Variants in NIPA1 observed in about 807,000 individuals in gnomAD.
NIPA1 encodes the protein NIPA magnesium transporter 1.
A neutral mutation model predicts 23.9 loss-of-function variants in NIPA1; 13 were observed. The observed-to-expected ratio is 0.54, with a 90% CI of 0.35 to 0.87. The LOEUF (loss-of-function observed/expected upper bound fraction) is 0.87, where lower values mean the gene tolerates loss of function less well. Ranked by LOEUF, NIPA1 falls within the 40% of genes least tolerant of loss-of-function variation. The pLI, the probability that NIPA1 is intolerant of heterozygous loss-of-function variation, is 0.01. For missense variants in NIPA1, 362 were observed against 429.7 expected (o/e 0.84, Z 1.39); for synonymous variants, 234 against 202.9 (o/e 1.15, Z -1.30).
intron 1 of NIPA1, among the ~76,000 whole-genome samples, chr15:22,794,926 C>T (rs1323356603): frequency 6.6e-6 from 1 of 152,182 alleles, no homozygotes; most frequent in Non-Finnish European, 1.5e-5. Context: ...CCTATTCACT[C>T]ATTTGCATTC....
At chr15:22,803,390 C>T (rs76280625) in intron 1 of NIPA1, among the ~76,000 whole-genome samples, 3,507 of 151,300 alleles carry the variant, frequency 0.023, 130 homozygotes, top group African/African-American at 0.081. Context: ...CACATATATA[C>T]GCATATATTA....
rs767606124 is a variant in NIPA1, at chr15:22,813,703, G to A, written c.317+1450G>A. 18 of 455,208 alleles carry A rather than the reference G, an allele frequency of 4.0e-5. 1 individual carries two copies. Among genetic ancestry groups the A allele is most frequent in the South Asian group, 2.5e-4 (16 of 64,316 alleles). The allele number at this position is 455,208 out of a possible 1,614,324, so 28.2% of individuals were successfully genotyped here. ...ATTGAAGTTTACACCTTAGAGTCAC[G>A]TAGGCATTAAGGTTCTGTGACCTAA... On this transcript the variant is annotated intron_variant, in intron 3 of 4. Coordinates refer to ENST00000337435, the MANE Select transcript of NIPA1 (RefSeq NM_144599.5).
At chr15:22,789,568 G>A (rs1894787067) in intron 1 of NIPA1, among the ~76,000 whole-genome samples, 1 of 152,146 alleles carries the variant, frequency 6.6e-6, no homozygotes, top group South Asian at 2.1e-4. Context: ...GGAGAGAAAA[G>A]GAGAAGAAAA....
At chr15:22,794,015 G>C (rs1365581097) in intron 1 of NIPA1, among the ~76,000 whole-genome samples, 4 of 151,882 alleles carry the variant, frequency 2.6e-5, no homozygotes, top group Non-Finnish European at 5.9e-5. Flanking sequence ...CTTCAGCATT[G>C]TTCTTTTTGC....
In NIPA1 at chr15:22,786,847, G is replaced by T. The variant is rs1894716600; in HGVS notation, c.178+13G>T. On this transcript the variant is annotated intron_variant, in intron 1 of 4. Coordinates refer to ENST00000337435, the MANE Select transcript of NIPA1 (RefSeq NM_144599.5). ...GCCAAGCGGCGAGGTAGGGCGGGCG[G>T]CAGGCGGCAGGCGGCGGGCGGGTGG... The T allele has an allele frequency of 9.2e-7, 1 of 1,086,064 alleles. No homozygotes were observed. The highest frequency in any genetic ancestry group is 1.7e-5 in the African/African-American group (1 of 59,624). 67.3% of individuals were successfully genotyped at this position (1,086,064 alleles called of 1,614,324 possible).
chr15:22,794,717 A>G (rs775000397), intron 1 of NIPA1, among the ~76,000 whole-genome samples: 1 of 151,798 alleles, frequency 6.6e-6, no homozygotes, highest in Non-Finnish European at 1.5e-5. Flanking sequence ...ATTCTTTCTC[A>G]TTGCCTTTCC....
At chr15:22,817,125 T>C (rs1402420447) in intron 3 of NIPA1, among the ~76,000 whole-genome samples, 1 of 138,918 alleles carries the variant, frequency 7.2e-6, no homozygotes, top group Non-Finnish European at 1.5e-5. Context: ...AGGTAGAGGT[T>C]ACAGTGAGCC....
chr15:22,789,325 T>A (rs1490838406), intron 1 of NIPA1, among the ~76,000 whole-genome samples: 1 of 152,034 alleles, frequency 6.6e-6, no homozygotes, highest in Non-Finnish European at 1.5e-5. Context: ...AGTGAACTTG[T>A]GATTTTCATT....
chr15:22,807,373 G>A (rs1767468838), intron 1 of NIPA1, among the ~76,000 whole-genome samples: 1 of 152,160 alleles, frequency 6.6e-6, no homozygotes, highest in African/African-American at 2.4e-5. Context: ...TCCAGCTGCT[G>A]TAGCAGGAAT....
intron 1 of NIPA1, among the ~76,000 whole-genome samples, chr15:22,788,209 G>GA (rs1419647166): frequency 1.3e-5 from 2 of 152,010 alleles, no homozygotes; most frequent in African/African-American, 4.8e-5. Context: ...CGGAGTAGAA[G>GA]AACATCTTGC....
chr15:22,799,099 A>G (rs765596463), intron 1 of NIPA1, among the ~76,000 whole-genome samples: 8 of 152,158 alleles, frequency 5.3e-5, no homozygotes, highest in Non-Finnish European at 8.8e-5. Context: ...AGGAAAATAA[A>G]TAGTTTTATC....
chr15:22,798,553 TAAAA>T (rs534667934), intron 1 of NIPA1, among the ~76,000 whole-genome samples: 1 of 138,154 alleles, frequency 7.2e-6, no homozygotes, highest in African/African-American at 2.7e-5. Flanking sequence ...CTAAAAATCT[TAAAA>T]AAAAAAACCG....
In NIPA1 at chr15:22,786,679, CG is replaced by C; in HGVS notation, c.25del (p.Ala9ArgfsTer33). The C allele has an allele frequency of 1.8e-6, 1 of 562,620 alleles. No homozygotes were observed. Among genetic ancestry groups the C allele is most frequent in the Non-Finnish European group, 2.1e-6 (1 of 476,832 alleles). The allele number at this position is 562,620 out of a possible 1,614,324, so 34.9% of individuals were successfully genotyped here. ...GGAATGGGGACTGCAGCTGCGGCAG[CG>C]GCGGCGGCGGCGGCGGCGGCGGCCG... is the stretch of plus-strand genomic sequence containing the variant. Reference protein sequence around the residue: MGTAAAAAAAAAAAAAGE... With the variant: MGTAAAAXAAAAAAAAGE... On this transcript the variant is annotated frameshift_variant, in exon 1 of 5. Coordinates refer to ENST00000337435, the MANE Select transcript of NIPA1 (RefSeq NM_144599.5). LOFTEE classifies it high-confidence loss of function.
At chr15:22,822,768 A>G (rs966208435) in intron 4 of NIPA1, among the ~76,000 whole-genome samples, 18 of 151,534 alleles carry the variant, frequency 1.2e-4, no homozygotes, top group African/African-American at 4.3e-4. Context: ...TGGAGGTTGC[A>G]GTGAGCAGAG....
At chr15:22,799,084 C>T in intron 1 of NIPA1, among the ~76,000 whole-genome samples, 1 of 152,156 alleles carries the variant, frequency 6.6e-6, no homozygotes, top group South Asian at 2.1e-4. Context: ...TGGGTGTCTA[C>T]TCAAAGGAAA....
chr15:22,787,745 C>T (rs1206384372), intron 1 of NIPA1, among the ~76,000 whole-genome samples: 1 of 152,152 alleles, frequency 6.6e-6, no homozygotes, highest in Non-Finnish European at 1.5e-5. Context: ...TAAGAGCTCT[C>T]TGGGAAGGAT....
At chr15:22,815,479 T>C (rs1895397562) in intron 3 of NIPA1, among the ~76,000 whole-genome samples, 1 of 152,022 alleles carries the variant, frequency 6.6e-6, no homozygotes, top group African/African-American at 2.4e-5. Context: ...CTGTCTCTAC[T>C]AAAAATACAA....
chr15:22,789,700 G>T (rs941853200), intron 1 of NIPA1, among the ~76,000 whole-genome samples: 1 of 152,164 alleles, frequency 6.6e-6, no homozygotes, highest in Non-Finnish European at 1.5e-5. Context: ...GAATCCATGT[G>T]GGACTGCAAC....
At chr15:22,820,644 C>T (rs1372805740) in intron 4 of NIPA1, among the ~76,000 whole-genome samples, 171 bp downstream of exon 4, 4 of 152,184 alleles carry the variant, frequency 2.6e-5, no homozygotes, top group African/African-American at 7.2e-5. Flanking sequence ...GGGCTGTGCT[C>T]GCAGGCTAGC....
Sources: allele counts gnomAD v4.1 joint callset (sites outside exome capture counted in the v4.1 genomes callset), GRCh38; gene constraint gnomAD v4.1.1; transcripts MANE v1.5; gene names NCBI Gene and HGNC (gene_info 2026-07-23, HGNC 2026-07-21).